ADAMTS17: variants seen among roughly 807,000 people sequenced by gnomAD.
ADAMTS17 encodes the protein A disintegrin and metalloproteinase with thrombospondin motifs 17.
A neutral mutation model predicts 141.5 loss-of-function variants in ADAMTS17; 113 were observed. The ratio of observed to expected loss-of-function variants is 0.80; its 90% CI spans 0.69 to 0.93. The LOEUF (loss-of-function observed/expected upper bound fraction) is 0.93, where lower values mean the gene tolerates loss of function less well. Ranked by LOEUF, ADAMTS17 falls within the 40% of genes least tolerant of loss-of-function variation. The pLI, the probability that ADAMTS17 is intolerant of heterozygous loss-of-function variation, is 0.00. For synonymous variants in ADAMTS17, 768 were observed against 630.6 expected (o/e 1.22, Z -3.27); for missense variants, 1,659 against 1,517.9 (o/e 1.09, Z -1.54).
chr15:100,331,107 C>A, intron 2 of ADAMTS17, 53 bp from the exon 3 acceptor site: 3 of 1,607,854 alleles, frequency 1.9e-6, no homozygotes, highest in South Asian at 2.2e-5. Context: ...CTCACACACG[C>A]CCATGGCCCC....
At chr15:100,135,056 G>C (rs149042250) in intron 10 of ADAMTS17, among the ~76,000 whole-genome samples, 63 of 152,280 alleles carry the variant, frequency 4.1e-4, no homozygotes, top group Admixed American at 1.8e-3. Flanking sequence ...AGAATTTATG[G>C]GACAGGAGCG....
chr15:100,198,624 C>T (rs949008259), intron 8 of ADAMTS17, among the ~76,000 whole-genome samples: 2 of 152,150 alleles, frequency 1.3e-5, no homozygotes, highest in Non-Finnish European at 2.9e-5. Context: ...AAACAGACAC[C>T]TACTCTAGGA....
At chr15:100,263,450 G>T (rs1191552029) in intron 4 of ADAMTS17, among the ~76,000 whole-genome samples, 1 of 152,128 alleles carries the variant, frequency 6.6e-6, no homozygotes, top group Non-Finnish European at 1.5e-5. Context: ...TAACAGAAAA[G>T]GACCTATCTT....
intron 10 of ADAMTS17, among the ~76,000 whole-genome samples, chr15:100,140,366 C>A (rs1384939419): frequency 6.6e-6 from 1 of 151,872 alleles, no homozygotes; most frequent in African/African-American, 2.4e-5. Flanking sequence ...TTAAGAGTTA[C>A]AATTGTCTTA....
intron 4 of ADAMTS17, among the ~76,000 whole-genome samples, chr15:100,269,417 AC>A (rs2043828089): frequency 2.0e-5 from 3 of 152,324 alleles, no homozygotes; most frequent in Non-Finnish European, 4.4e-5. Flanking sequence ...GTAACTAGAC[AC>A]ATTGCTGGGA....
intron 20 of ADAMTS17, among the ~76,000 whole-genome samples, chr15:99,981,975 C>A (rs1050593194): frequency 2.0e-5 from 3 of 152,158 alleles, no homozygotes; most frequent in Non-Finnish European, 4.4e-5. Context: ...GGGTGTCAGG[C>A]GGCAGGGGGA....
chr15:100,073,346 T>G (rs543619585), intron 15 of ADAMTS17, among the ~76,000 whole-genome samples: 1 of 152,174 alleles, frequency 6.6e-6, no homozygotes, highest in Non-Finnish European at 1.5e-5. Context: ...ATTGTGGAAG[T>G]CAGTGTGGCG....
intron 10 of ADAMTS17, among the ~76,000 whole-genome samples, chr15:100,145,856 C>T (rs531557209): frequency 4.6e-5 from 7 of 152,310 alleles, no homozygotes; most frequent in Admixed American, 6.5e-5. Flanking sequence ...TAATCTTTAA[C>T]GCATCACATT....
At chr15:100,321,355 T>G (rs1399281794) in intron 3 of ADAMTS17, among the ~76,000 whole-genome samples, 1 of 152,162 alleles carries the variant, frequency 6.6e-6, no homozygotes, top group Non-Finnish European at 1.5e-5. Context: ...AAATGAATTC[T>G]AGCAATACTA....
At chr15:100,147,670 T>C (rs1407540699) in intron 10 of ADAMTS17, among the ~76,000 whole-genome samples, 2 of 152,236 alleles carry the variant, frequency 1.3e-5, no homozygotes, top group Non-Finnish European at 2.9e-5. Context: ...TGAAACCTCA[T>C]GATGAGGCGT....
At chr15:100,106,992 C>G (rs141158252) in intron 14 of ADAMTS17, among the ~76,000 whole-genome samples, 1 of 152,318 alleles carries the variant, frequency 6.6e-6, no homozygotes, top group Non-Finnish European at 1.5e-5. Context: ...GGGCACCAGG[C>G]GCTTATCACC....
intron 15 of ADAMTS17, among the ~76,000 whole-genome samples, chr15:100,065,623 G>A (rs1450190856): frequency 2.0e-5 from 3 of 152,152 alleles, no homozygotes; most frequent in Non-Finnish European, 4.4e-5. Context: ...TGTCATAGGA[G>A]TGCTTCCGAA....
At chr15:100,340,124 C>A (rs1200429527) in intron 2 of ADAMTS17, among the ~76,000 whole-genome samples, 1 of 152,264 alleles carries the variant, frequency 6.6e-6, no homozygotes, top group Non-Finnish European at 1.5e-5. Context: ...GGGTCCATAC[C>A]AAGCTTCGCT....
intron 12 of ADAMTS17, among the ~76,000 whole-genome samples, chr15:100,122,933 T>C (rs2037523973): frequency 6.6e-6 from 1 of 152,200 alleles, no homozygotes; most frequent in Admixed American, 6.5e-5. Flanking sequence ...AACTGTACCT[T>C]GGTCCTGAGA....
At chr15:100,130,286 G>A (rs2037968597) in intron 12 of ADAMTS17, among the ~76,000 whole-genome samples, 1 of 151,500 alleles carries the variant, frequency 6.6e-6, no homozygotes, top group Admixed American at 6.6e-5. Context: ...ATCACTTGAA[G>A]CAGGGAGGCG....
chr15:100,234,764 C>T (rs1250526563), intron 7 of ADAMTS17, among the ~76,000 whole-genome samples: 1 of 152,146 alleles, frequency 6.6e-6, no homozygotes, highest in Non-Finnish European at 1.5e-5. Flanking sequence ...TGCTGCCTCT[C>T]CGGGAAACCT....
intron 4 of ADAMTS17, among the ~76,000 whole-genome samples, chr15:100,274,589 T>C (rs551851008): frequency 5.3e-5 from 8 of 152,162 alleles, no homozygotes; most frequent in Non-Finnish European, 1.2e-4. Context: ...CCGCATATAG[T>C]TGGATCTATG....
At chr15:100,152,464 G>A in intron 10 of ADAMTS17, 148 bp downstream of exon 10, 2 of 1,019,522 alleles carry the variant, frequency 2.0e-6, no homozygotes, top group Non-Finnish European at 3.0e-6. Context: ...ATGCAAACGT[G>A]TGTGTGCATA....
At chr15:99,984,492 G>T (rs1411904021) in intron 20 of ADAMTS17, among the ~76,000 whole-genome samples, 1 of 152,246 alleles carries the variant, frequency 6.6e-6, no homozygotes, top group Non-Finnish European at 1.5e-5. Flanking sequence ...TAAGAAATGA[G>T]ATTCTGATGA....
Sources: gnomAD v4.1 joint callset for allele counts (sites outside exome capture counted in the v4.1 genomes callset) on GRCh38, gnomAD v4.1.1 for gene constraint, MANE v1.5 for transcripts, NCBI Gene and HGNC (gene_info 2026-07-23, HGNC 2026-07-21) for gene names.